The following NFIB variants were observed in gnomAD, a reference collection of about 807,000 sequenced individuals.
NFIB encodes nuclear factor I B, also known as nuclear factor 1 B-type.
Under a neutral mutation model 61.5 loss-of-function variants are expected in NFIB, and 11 were observed. The observed-to-expected ratio is 0.18, with a 90% CI of 0.11 to 0.30. The LOEUF (loss-of-function observed/expected upper bound fraction) is 0.30, where lower values mean the gene tolerates loss of function less well. Among genes scored for constraint, NFIB ranks in the 10% least tolerant of loss-of-function variants. NFIB has a pLI of 1.00. For missense variants in NFIB, 471 were observed against 608.9 expected (o/e 0.77, Z 2.38); for synonymous variants, 260 against 216.5 (o/e 1.20, Z -1.76).
At chr9:14,359,317 G>A (rs1254897965) in intron 1 of NFIB, among the ~76,000 whole-genome samples, 1 of 152,138 alleles carries the variant, frequency 6.6e-6, no homozygotes, top group Admixed American at 6.6e-5. Flanking sequence ...ATCCATGTGG[G>A]CTCTATATAC....
chr9:14,411,601 T>C, the NFIB span, among the ~76,000 whole-genome samples: 1 of 152,162 alleles, frequency 6.6e-6, no homozygotes, highest in Non-Finnish European at 1.5e-5. Context: ...ACTGCAAATC[T>C]TCATGAGCCA....
chr9:14,521,754 G>T, the NFIB span, among the ~76,000 whole-genome samples: 1 of 152,178 alleles, frequency 6.6e-6, no homozygotes, highest in Non-Finnish European at 1.5e-5. Flanking sequence ...TGTTACATTA[G>T]CAATCACTCA....
intron 2 of NFIB, among the ~76,000 whole-genome samples, chr9:14,261,307 A>T (rs2056730327): frequency 6.6e-6 from 1 of 152,052 alleles, no homozygotes; most frequent in Non-Finnish European, 1.5e-5. Flanking sequence ...ATAGAGCAGG[A>T]CTCCGTCTCA....
chr9:14,338,702 G>T (rs1176783916), intron 1 of NFIB, among the ~76,000 whole-genome samples: 1 of 152,036 alleles, frequency 6.6e-6, no homozygotes, highest in Non-Finnish European at 1.5e-5. Context: ...ATACATTAGG[G>T]TTTTCTCTTC....
chr9:14,441,832 T>C, the NFIB span, among the ~76,000 whole-genome samples: 4 of 152,156 alleles, frequency 2.6e-5, no homozygotes, highest in Admixed American at 2.6e-4. Context: ...ATACAATGCA[T>C]TTATTACAGA....
chr9:14,459,663 A>G, the NFIB span, among the ~76,000 whole-genome samples: 1 of 152,130 alleles, frequency 6.6e-6, no homozygotes, highest in South Asian at 2.1e-4. Context: ...ACTCAAACAA[A>G]TTTACAAGAA....
intron 1 of NFIB, among the ~76,000 whole-genome samples, chr9:14,379,050 A>G (rs1463467033): frequency 6.6e-6 from 1 of 152,262 alleles, no homozygotes; most frequent in African/African-American, 2.4e-5. Context: ...GTTCACAGGT[A>G]TTCACAACCT....
chr9:14,462,777 T>A, the NFIB span, among the ~76,000 whole-genome samples: 1 of 152,240 alleles, frequency 6.6e-6, no homozygotes, highest in East Asian at 1.9e-4. Flanking sequence ...TAGGCTCATA[T>A]AATAGGTGTT....
chr9:14,384,604 T>C (rs927815751), intron 1 of NFIB, among the ~76,000 whole-genome samples: 4 of 152,236 alleles, frequency 2.6e-5, no homozygotes, highest in African/African-American at 7.2e-5. Context: ...AATGACTACG[T>C]TGAAGGTTAA....
chr9:14,170,875 C>G (rs565894437), intron 3 of NFIB, among the ~76,000 whole-genome samples: 1 of 152,268 alleles, frequency 6.6e-6, no homozygotes, highest in African/African-American at 2.4e-5. Context: ...TGCAAGCCCT[C>G]TTGGAAGTTT....
At chr9:14,403,240 C>G (rs2061759434), upstream of NFIB, among the ~76,000 whole-genome samples, 2 of 152,190 alleles carry the variant, frequency 1.3e-5, no homozygotes, top group African/African-American at 4.8e-5. Context: ...GGTCTGATTC[C>G]TCAGGCCAAG....
chr9:14,132,725 C>T (rs2040543330), intron 6 of NFIB, among the ~76,000 whole-genome samples: 1 of 151,928 alleles, frequency 6.6e-6, no homozygotes, highest in Non-Finnish European at 1.5e-5. Context: ...ACGATCACAC[C>T]CAGCTAATTT....
intron 1 of NFIB, among the ~76,000 whole-genome samples, chr9:14,388,314 G>T (rs78418785): frequency 0.091 from 12,935 of 142,138 alleles, 669 homozygotes; most frequent in East Asian, 0.15. Context: ...GGTTGAGGCT[G>T]CAGTCAGCTG....
At chr9:14,401,530 C>A (rs1037972514), upstream of NFIB, among the ~76,000 whole-genome samples, 2 of 152,154 alleles carry the variant, frequency 1.3e-5, no homozygotes, top group Non-Finnish European at 2.9e-5. Flanking sequence ...AGTTCCTATC[C>A]TATAAATAGT....
chr9:14,508,074 AG>A, the NFIB span, among the ~76,000 whole-genome samples: 13 of 151,300 alleles, frequency 8.6e-5, no homozygotes, highest in African/African-American at 3.2e-4. Flanking sequence ...CCAAACAATT[AG>A]GCATATATAA....
intron 2 of NFIB, among the ~76,000 whole-genome samples, chr9:14,230,747 G>C (rs1056128468): frequency 1.3e-5 from 2 of 152,284 alleles, no homozygotes; most frequent in Admixed American, 6.5e-5. Flanking sequence ...TTGTACAGAC[G>C]ATGAGGCAGA....
At chr9:14,505,967 T>C in the NFIB span, among the ~76,000 whole-genome samples, 1 of 152,274 alleles carries the variant, frequency 6.6e-6, no homozygotes, top group South Asian at 2.1e-4. Flanking sequence ...CTTTCTATTA[T>C]CTCTACAGAA....
chr9:14,196,529 T>G (rs553070451), intron 2 of NFIB, among the ~76,000 whole-genome samples: 4 of 152,104 alleles, frequency 2.6e-5, no homozygotes, highest in Non-Finnish European at 5.9e-5. Flanking sequence ...CCAAAAGCGC[T>G]ACACCAAAAT....
intron 2 of NFIB, among the ~76,000 whole-genome samples, chr9:14,261,247 AG>A (rs756541834): frequency 3.3e-5 from 5 of 151,932 alleles, no homozygotes; most frequent in Admixed American, 6.6e-5. Context: ...AATCTGGGAG[AG>A]GGAGGGTGCA....
Sources: allele counts gnomAD v4.1 joint callset (sites outside exome capture counted in the v4.1 genomes callset), GRCh38; gene constraint gnomAD v4.1.1; transcripts MANE v1.5; gene names NCBI Gene and HGNC (gene_info 2026-07-23, HGNC 2026-07-21).